The following MINDY4 variants were observed in gnomAD, a reference collection of about 807,000 sequenced individuals.
MINDY4 encodes probable ubiquitin carboxyl-terminal hydrolase MINDY-4.
A neutral mutation model predicts 87.0 loss-of-function variants in MINDY4; 68 were observed. The observed-to-expected ratio is 0.78, with a 90% confidence interval of 0.64 to 0.96. The LOEUF (loss-of-function observed/expected upper bound fraction) is 0.96. MINDY4 is among the 40% of genes least tolerant of loss of function. The pLI is 0.00. For synonymous variants in MINDY4, 379 were observed against 363.2 expected, an observed-to-expected ratio of 1.04 and a Z score of -0.50; for missense variants, 919 against 928.2, an observed-to-expected ratio of 0.99 and a Z score of 0.13.
intron 13 of MINDY4, among the ~76,000 whole-genome samples, chr7:30,865,559 A>G (rs949795311): frequency 3.9e-5 from 6 of 152,194 alleles, no homozygotes; most frequent in Non-Finnish European, 7.3e-5. Context: ...TTTACAGGGA[A>G]CCAAATTCTG....
At position 30,826,072 on chromosome 7, in the gene MINDY4, C is replaced by T. The variant is rs73091456; in HGVS notation, c.1074-2607C>T. Among the ~76,000 whole-genome samples the T allele has an allele frequency of 9.3e-3, 1,415 of 152,322 alleles. 11 individuals carry two copies. Among genetic ancestry groups the T allele is most frequent in the South Asian group, 0.017 (83 of 4,824 alleles). The stretch of plus-strand genomic sequence containing the variant: ...TGCTTCCATGTTCACATCGCCTTCT[C>T]TTCTCCCTTTACCTCTTTATGATAA... On this transcript the variant is annotated intron_variant, in intron 5 of 17. Coordinates refer to ENST00000265299, the MANE Select transcript of MINDY4 (RefSeq NM_032222.3).
intron 14 of MINDY4, 36 bp from the exon 15 acceptor site, chr7:30,875,459 G>A (rs752713697): frequency 1.2e-6 from 2 of 1,611,988 alleles, no homozygotes; most frequent in South Asian, 2.2e-5. Flanking sequence ...AACTGATTCA[G>A]ACTTGATGAG....
At chr7:30,811,770 C>T (rs1562538928) in intron 5 of MINDY4, among the ~76,000 whole-genome samples, 1 of 152,152 alleles carries the variant, frequency 6.6e-6, no homozygotes, top group Non-Finnish European at 1.5e-5. Context: ...TATATGCAGC[C>T]CCCAGTCACA....
At chr7:30,840,690 G>A in intron 8 of MINDY4, 70 bp from the exon 9 acceptor site, 2 of 1,446,850 alleles carry the variant, frequency 1.4e-6, no homozygotes, top group Non-Finnish European at 9.6e-7. Flanking sequence ...TTCTGGGGTG[G>A]GTTTGGGTGA....
chr7:30,831,605 G>A (rs1311246544), intron 6 of MINDY4, among the ~76,000 whole-genome samples: 2 of 152,136 alleles, frequency 1.3e-5, no homozygotes, highest in African/African-American at 4.8e-5. Flanking sequence ...TGGTAGAAGG[G>A]TAGAGGAGAG....
chr7:30,846,680 C>T (rs1400497417), intron 9 of MINDY4, among the ~76,000 whole-genome samples: 1 of 148,016 alleles, frequency 6.8e-6, no homozygotes, highest in African/African-American at 2.5e-5. Context: ...CCTGGCTAAT[C>T]TGGGGTGGGT....
intron 13 of MINDY4, among the ~76,000 whole-genome samples, chr7:30,870,462 G>A (rs1412722493): frequency 6.6e-6 from 1 of 152,194 alleles, no homozygotes; most frequent in African/African-American, 2.4e-5. Context: ...AGGCCTGCTG[G>A]GCTGTCTGTG....
At chr7:30,863,576 C>T (rs764363614) in intron 13 of MINDY4, among the ~76,000 whole-genome samples, 14 of 152,152 alleles carry the variant, frequency 9.2e-5, no homozygotes, top group Non-Finnish European at 1.9e-4. Context: ...CTTCTTTGGC[C>T]CTTGCACCAA....
chr7:30,781,948 A>T (rs1787017981), intron 2 of MINDY4, 29 bp from the exon 3 acceptor site: 2 of 1,498,856 alleles, frequency 1.3e-6, no homozygotes, highest in African/African-American at 1.4e-5. Context: ...TATATAAATT[A>T]ATGATTTTTT....
intron 5 of MINDY4, among the ~76,000 whole-genome samples, chr7:30,808,399 T>C (rs1237942607): frequency 6.6e-6 from 1 of 152,196 alleles, no homozygotes; most frequent in Non-Finnish European, 1.5e-5. Flanking sequence ...GGCTTGGATT[T>C]CTTGATACTC....
chr7:30,857,781 C>G (rs1789623833), intron 12 of MINDY4: 1 of 152,202 alleles, frequency 6.6e-6, no homozygotes, highest in East Asian at 1.9e-4. Flanking sequence ...CAGCCTTAGC[C>G]AGGAGCATCC....
At chr7:30,868,533 C>T (rs969156584) in intron 13 of MINDY4, among the ~76,000 whole-genome samples, 10 of 152,202 alleles carry the variant, frequency 6.6e-5, no homozygotes, top group Non-Finnish European at 1.3e-4. Flanking sequence ...GGACAGAGGG[C>T]AGGTGGAGAA....
intron 6 of MINDY4, among the ~76,000 whole-genome samples, chr7:30,833,722 A>C (rs1249791591): frequency 6.6e-6 from 1 of 152,264 alleles, no homozygotes; most frequent in Non-Finnish European, 1.5e-5. Flanking sequence ...AGTAAAATCA[A>C]AAGCAAGTTA....
intron 1 of MINDY4, among the ~76,000 whole-genome samples, chr7:30,774,979 T>A (rs1786764270): frequency 6.6e-6 from 1 of 152,166 alleles, no homozygotes; most frequent in South Asian, 2.1e-4. Flanking sequence ...AACTCTTGAA[T>A]TCTTACAACT....
At chr7:30,781,748 T>A in intron 2 of MINDY4, 1 of 513,728 alleles carries the variant, frequency 1.9e-6, no homozygotes, top group Non-Finnish European at 3.4e-6. Context: ...ACCTGCCTCA[T>A]GCGTTGGATG....
chr7:30,882,813 G>A, intron 16 of MINDY4, 108 bp from the exon 17 acceptor site: 1 of 911,562 alleles, frequency 1.1e-6, no homozygotes, highest in Admixed American at 2.0e-5. Flanking sequence ...AGATGGAGAG[G>A]AGGGGACAGG....
chr7:30,771,874 G>C (rs868284286), intron 1 of MINDY4, among the ~76,000 whole-genome samples: 110 of 152,320 alleles, frequency 7.2e-4, no homozygotes, highest in Middle Eastern at 3.4e-3. Context: ...ATCCTAGCGC[G>C]GGCGCACAGC....
At chr7:30,832,589 G>A (rs887657107) in intron 6 of MINDY4, among the ~76,000 whole-genome samples, 4 of 151,974 alleles carry the variant, frequency 2.6e-5, no homozygotes, top group East Asian at 1.9e-4. Context: ...TGCACCCTCC[G>A]CCCTCTGTTT....
At chr7:30,798,800 G>C (rs1451251347) in intron 5 of MINDY4, among the ~76,000 whole-genome samples, 2 of 152,184 alleles carry the variant, frequency 1.3e-5, no homozygotes, top group African/African-American at 4.8e-5. Context: ...GCCCAGCCCT[G>C]CATCTTACTT....
Sources: gnomAD v4.1 joint callset for allele counts (sites outside exome capture counted in the v4.1 genomes callset) on GRCh38, gnomAD v4.1.1 for gene constraint, MANE v1.5 for transcripts, NCBI Gene and HGNC (gene_info 2026-07-23, HGNC 2026-07-21) for gene names.